Variants in DOCK1 observed in about 807,000 individuals in gnomAD.
DOCK1 encodes the protein dedicator of cytokinesis 1, also known as dedicator of cytokinesis protein 1.
A neutral mutation model predicts 262.7 loss-of-function variants in DOCK1; 138 were observed. The ratio of observed to expected loss-of-function variants is 0.53; its 90% confidence interval spans 0.46 to 0.61. The LOEUF (loss-of-function observed/expected upper bound fraction) is 0.61, where lower values mean the gene tolerates loss of function less well. Ranked by LOEUF, DOCK1 falls within the 20% of genes least tolerant of loss-of-function variation. DOCK1 has a pLI of 0.00. For missense variants in DOCK1, 1,908 were observed against 2,370.7 expected, an observed-to-expected ratio of 0.80 and a Z score of 4.05; for synonymous variants, 866 against 867.4, an observed-to-expected ratio of 1.00 and a Z score of 0.03.
At chr10:127,403,206 T>C in intron 39 of DOCK1, 62 bp downstream of exon 39, 1 of 1,505,318 alleles carries the variant, frequency 6.6e-7, no homozygotes, top group Middle Eastern at 1.7e-4. Context: ...TTTTCAGGAA[T>C]CTCTCTTTCC....
At chr10:127,254,566 A>G (rs2059766322) in intron 28 of DOCK1, among the ~76,000 whole-genome samples, 3 of 152,352 alleles carry the variant, frequency 2.0e-5, no homozygotes, top group Middle Eastern at 3.4e-3. Flanking sequence ...GGTAACTTCC[A>G]GATCCCTCCA....
intron 1 of DOCK1, among the ~76,000 whole-genome samples, chr10:126,948,146 G>T (rs2035722892): frequency 1.3e-4 from 14 of 106,164 alleles, no homozygotes; most frequent in Non-Finnish European, 1.6e-4. Flanking sequence ...TACTGTTGGT[G>T]GTGATGGTGG....
chr10:126,968,126 C>T (rs966625321), intron 1 of DOCK1, among the ~76,000 whole-genome samples: 45 of 152,108 alleles, frequency 3.0e-4, no homozygotes, highest in African/African-American at 1.1e-3. Context: ...CTGCCACACC[C>T]GGCCAAGATG....
intron 1 of DOCK1, among the ~76,000 whole-genome samples, chr10:126,956,012 G>A (rs2036706730): frequency 1.3e-5 from 2 of 152,184 alleles, no homozygotes; most frequent in South Asian, 2.1e-4. Context: ...CAAGTCGGGA[G>A]CCTTGGCTCC....
chr10:127,285,936 G>A (rs1029882294), intron 29 of DOCK1, among the ~76,000 whole-genome samples: 11 of 152,166 alleles, frequency 7.2e-5, no homozygotes, highest in African/African-American at 9.7e-5. Flanking sequence ...GGGCTATCAC[G>A]AGCCTGAGGC....
intron 12 of DOCK1, among the ~76,000 whole-genome samples, chr10:127,016,742 C>CAA (rs1565068493): frequency 1.8e-4 from 26 of 145,572 alleles, no homozygotes; most frequent in Non-Finnish European, 2.4e-4. Context: ...ACCACACACA[C>CAA]ACACACTAAC....
At chr10:127,387,719 A>C (rs2066209399) in intron 38 of DOCK1, among the ~76,000 whole-genome samples, 2 of 152,176 alleles carry the variant, frequency 1.3e-5, no homozygotes, top group African/African-American at 4.8e-5. Flanking sequence ...GCACATGCTC[A>C]TTACATTATG....
intron 1 of DOCK1, among the ~76,000 whole-genome samples, chr10:126,957,211 C>A (rs1013198436): frequency 3.3e-5 from 5 of 152,156 alleles, no homozygotes; most frequent in African/African-American, 1.2e-4. Flanking sequence ...GAATTTCAAG[C>A]AACTACAAAG....
At chr10:127,324,171 G>A (rs1439791704) in intron 29 of DOCK1, among the ~76,000 whole-genome samples, 5 of 152,214 alleles carry the variant, frequency 3.3e-5, no homozygotes, top group Non-Finnish European at 7.3e-5. Flanking sequence ...CGCTTCTGAT[G>A]TCTTCCACCC....
At chr10:127,332,886 C>T (rs1564999207) in intron 29 of DOCK1, among the ~76,000 whole-genome samples, 1 of 152,206 alleles carries the variant, frequency 6.6e-6, no homozygotes, top group Non-Finnish European at 1.5e-5. Context: ...CTCTCCTTCC[C>T]ATGGAACTGA....
At chr10:127,220,406 G>T (rs1366854888) in intron 27 of DOCK1, among the ~76,000 whole-genome samples, 2 of 151,988 alleles carry the variant, frequency 1.3e-5, no homozygotes, top group African/African-American at 2.4e-5. Flanking sequence ...TGAACTGCAC[G>T]TGGGGCTGCC....
intron 46 of DOCK1, among the ~76,000 whole-genome samples, chr10:127,424,375 G>A (rs2068691882): frequency 6.6e-6 from 1 of 152,170 alleles, no homozygotes; most frequent in African/African-American, 2.4e-5. Context: ...TGACCATTAA[G>A]AGTTTTATCA....
intron 33 of DOCK1, among the ~76,000 whole-genome samples, chr10:127,368,393 G>A (rs535673339): frequency 1.3e-5 from 2 of 151,952 alleles, no homozygotes; most frequent in African/African-American, 2.4e-5. Flanking sequence ...GCTTCTTCCT[G>A]TCCTGGTGCC....
At chr10:127,366,940 A>T (rs757735210) in intron 33 of DOCK1, among the ~76,000 whole-genome samples, 3 of 152,210 alleles carry the variant, frequency 2.0e-5, no homozygotes, top group African/African-American at 7.2e-5. Flanking sequence ...AGTGTTTTGA[A>T]CCCGTGATAG....
intron 27 of DOCK1, among the ~76,000 whole-genome samples, chr10:127,229,444 G>A (rs2058759839): frequency 6.6e-6 from 1 of 152,126 alleles, no homozygotes; most frequent in South Asian, 2.1e-4. Flanking sequence ...GCTTCTATGA[G>A]TTCGACTTGT....
chr10:127,216,398 T>C (rs2058215250), intron 27 of DOCK1, among the ~76,000 whole-genome samples: 1 of 151,826 alleles, frequency 6.6e-6, no homozygotes. Flanking sequence ...AGAGAGAGAC[T>C]ATTGCCTGTC....
At chr10:126,989,361 C>T (rs993106455) in intron 5 of DOCK1, among the ~76,000 whole-genome samples, 1 of 152,156 alleles carries the variant, frequency 6.6e-6, no homozygotes. Flanking sequence ...GGGTCTTGCT[C>T]TGTTGCCCAG....
intron 49 of DOCK1, among the ~76,000 whole-genome samples, chr10:127,440,202 G>A (rs758718045): frequency 2.6e-4 from 39 of 151,832 alleles, no homozygotes; most frequent in South Asian, 1.9e-3. Flanking sequence ...TAAATAACTA[G>A]GTCTCACATG....
At chr10:127,123,048 A>G (rs1007880548) in intron 25 of DOCK1, among the ~76,000 whole-genome samples, 1 of 152,164 alleles carries the variant, frequency 6.6e-6, no homozygotes, top group Non-Finnish European at 1.5e-5. Context: ...GCCCAGTGCT[A>G]TGTTCCTCTG....
Sources: allele counts gnomAD v4.1 joint callset (sites outside exome capture counted in the v4.1 genomes callset), GRCh38; gene constraint gnomAD v4.1.1; transcripts MANE v1.5; gene names NCBI Gene and HGNC (gene_info 2026-07-23, HGNC 2026-07-21).